The following MACROD1 variants were observed in gnomAD, a reference collection of about 807,000 sequenced individuals.
MACROD1 encodes the protein mono-ADP ribosylhydrolase 1.
A neutral mutation model predicts 41.4 loss-of-function variants in MACROD1; 31 were observed. The ratio of observed to expected loss-of-function variants is 0.75; its 90% CI spans 0.56 to 1.01. MACROD1 has a LOEUF of 1.01. Among genes scored for constraint, MACROD1 ranks in the 50% least tolerant of loss-of-function variants. The pLI, the probability that MACROD1 is intolerant of heterozygous loss-of-function variation, is 0.00. For synonymous variants in MACROD1, 252 were observed against 203.4 expected (o/e 1.24, Z -2.03); for missense variants, 473 against 460.0 (o/e 1.03, Z -0.26).
At chr11:64,141,006 G>A (rs112473533) in intron 3 of MACROD1, among the ~76,000 whole-genome samples, 34 of 152,298 alleles carry the variant, frequency 2.2e-4, no homozygotes, top group African/African-American at 7.9e-4. Flanking sequence ...ATGGTTGCAT[G>A]AGCCTGTGGT....
At chr11:64,010,396 G>A (rs557470845) in intron 4 of MACROD1, among the ~76,000 whole-genome samples, 3 of 148,786 alleles carry the variant, frequency 2.0e-5, no homozygotes, top group South Asian at 2.1e-4. Context: ...GGTGTTGACC[G>A]GGGTGTTGGC....
chr11:64,047,925 C>A (rs1489884447), intron 3 of MACROD1, among the ~76,000 whole-genome samples: 3 of 149,802 alleles, frequency 2.0e-5, no homozygotes. Flanking sequence ...AGGAAGGAAG[C>A]AGGAAAGCAG....
chr11:64,074,707 C>T (rs1283753334), intron 3 of MACROD1, among the ~76,000 whole-genome samples: 2 of 152,196 alleles, frequency 1.3e-5, no homozygotes, highest in African/African-American at 4.8e-5. Context: ...ACCAAACTGC[C>T]CTGTGGGTCC....
chr11:64,066,943 C>T (rs576174423), intron 3 of MACROD1, among the ~76,000 whole-genome samples: 107 of 152,314 alleles, frequency 7.0e-4, no homozygotes, highest in Middle Eastern at 3.4e-3. Context: ...GTGCTGCCCG[C>T]CCCAGTGCGC....
rs564624042 is a variant in MACROD1 at position 64,165,719 on chromosome 11, G to A, written c.276C>T (p.Ser92=). Residue 92 remains serine (S), a synonymous_variant, in exon 1 of 11, where the codon TCC becomes TCT. Coordinates refer to ENST00000255681, the MANE Select transcript of MACROD1 (RefSeq NM_014067.4). The part of the protein sequence containing the change: ...AMAAKVDLST[S]TDWKEAKSFL... ...TACATTTCGCCTCCTTCCAGTCGGT[G>A]GAGGTGCTCAGGTCCACCTTCGCCG... is the stretch of plus-strand genomic sequence containing the variant. 2 of 1,481,636 alleles carry A rather than the reference G, an allele frequency of 1.3e-6. No individual in the cohort carries two copies. The highest frequency in any genetic ancestry group is 9.0e-7 in the Non-Finnish European group (1 of 1,116,410). The allele number at this position is 1,481,636 out of a possible 1,614,324, so 91.8% of individuals were successfully genotyped here. A position where few individuals can be genotyped will look rare whatever the true frequency, so the allele number is the denominator to read the frequency against.
At chr11:64,130,586 C>T (rs1327604510) in intron 3 of MACROD1, among the ~76,000 whole-genome samples, 1 of 152,208 alleles carries the variant, frequency 6.6e-6, no homozygotes, top group Non-Finnish European at 1.5e-5. Flanking sequence ...GTCCCGGACG[C>T]ATGGGAGGGC....
rs940345471 is a variant in MACROD1, at chr11:64,068,539, T to C, written c.518-53258A>G. Among the ~76,000 whole-genome samples, 7 of 152,242 alleles carry C rather than the reference T, an allele frequency of 4.6e-5. No homozygotes were observed. In the East Asian group the frequency reaches 1.3e-3, roughly 29 times the overall value. On this transcript the variant is annotated intron_variant, in intron 3 of 10. Coordinates refer to ENST00000255681, the MANE Select transcript of MACROD1 (RefSeq NM_014067.4). ...GATGGTTGTCTCCCTTGCACATATT[T>C]ACTGCCGATTACTCTTACAGAGCCC...
intron 3 of MACROD1, among the ~76,000 whole-genome samples, chr11:64,119,380 T>C (rs1945057582): frequency 6.6e-6 from 1 of 152,198 alleles, no homozygotes. Context: ...CTCTCCTTTC[T>C]GATACAGATA....
At chr11:64,021,882 C>T (rs1246809165) in intron 3 of MACROD1, among the ~76,000 whole-genome samples, 2 of 145,802 alleles carry the variant, frequency 1.4e-5, no homozygotes, top group Non-Finnish European at 3.0e-5. Flanking sequence ...GCACAAGAAT[C>T]CCTGTGAGTG....
chr11:64,159,320 GA>G (rs34061690), intron 1 of MACROD1, among the ~76,000 whole-genome samples: 94,618 of 104,034 alleles, frequency 0.91, 42,981 homozygotes, highest in East Asian at 0.98. Context: ...CTCCGTCTCA[GA>G]AAAAAAAAAA....
At chr11:64,112,804 T>C (rs1205442614) in intron 3 of MACROD1, among the ~76,000 whole-genome samples, 7 of 152,130 alleles carry the variant, frequency 4.6e-5, no homozygotes, top group East Asian at 1.9e-4. Context: ...GGGTGCCACA[T>C]AGGATTGCAC....
chr11:64,121,362 T>C (rs1450683161), intron 3 of MACROD1, among the ~76,000 whole-genome samples: 1 of 152,220 alleles, frequency 6.6e-6, no homozygotes, highest in African/African-American at 2.4e-5. Flanking sequence ...ACTGGCGCTC[T>C]AAGTGTGGAG....
chr11:64,134,499 G>A (rs1945306066), intron 3 of MACROD1, among the ~76,000 whole-genome samples: 1 of 152,160 alleles, frequency 6.6e-6, no homozygotes, highest in African/African-American at 2.4e-5. Flanking sequence ...CAAAGGCAGT[G>A]GCGGCAGCAG....
chr11:64,138,667 A>G (rs1323969156), intron 3 of MACROD1: 6 of 495,540 alleles, frequency 1.2e-5, no homozygotes, highest in African/African-American at 1.0e-4. Context: ...CCGCAATTAC[A>G]ATGTCCGAAG....
At chr11:64,123,083 G>C (rs2134638847) in intron 3 of MACROD1, among the ~76,000 whole-genome samples, 1 of 152,344 alleles carries the variant, frequency 6.6e-6, no homozygotes, top group East Asian at 1.9e-4. Context: ...AGGGAGCAAA[G>C]GGGCGGGGAG....
chr11:64,038,671 C>T lies in MACROD1; in HGVS notation c.518-23390G>A, dbSNP rs1235108186. ...TCCCCAGAATCAGGGCTGGACATGG[C>T]CTGATCTCAGAGATGGGGCCTGTAT... On this transcript the variant is annotated intron_variant, in intron 3 of 10. Coordinates refer to ENST00000255681, the MANE Select transcript of MACROD1 (RefSeq NM_014067.4). 2.6e-5 allele frequency among the ~76,000 whole-genome samples: 4 copies of T among 152,278 alleles called. No individual in the cohort carries two copies. In the East Asian group the frequency reaches 5.8e-4, roughly 22 times the overall value.
At chr11:64,127,527 G>A (rs1461472446) in intron 3 of MACROD1, among the ~76,000 whole-genome samples, 2 of 152,224 alleles carry the variant, frequency 1.3e-5, no homozygotes, top group Non-Finnish European at 2.9e-5. Flanking sequence ...CCGGCAGGAT[G>A]GAGACTGTTC....
chr11:64,096,353 G>A lies in MACROD1; in HGVS notation c.517+54886C>T, dbSNP rs112068027. Among the ~76,000 whole-genome samples, 26 of 152,232 alleles carry A rather than the reference G, an allele frequency of 1.7e-4. 1 individual carries two copies. The highest frequency in any genetic ancestry group is 4.1e-4 in the African/African-American group (17 of 41,548). The stretch of plus-strand genomic sequence containing the variant: ...GCTGGACACGGTCCCTAATGGGCAC[G>A]GGCGACGCATTACAGTGAGGTCTGC... On this transcript the variant is annotated intron_variant, in intron 3 of 10. Coordinates refer to ENST00000255681, the MANE Select transcript of MACROD1 (RefSeq NM_014067.4). This position sits in a 1 kb window ranked among gnomAD's most constrained non-coding sequence, Gnocchi z 4.6.
At chr11:64,136,131 C>A (rs1031976079) in intron 3 of MACROD1, among the ~76,000 whole-genome samples, 2 of 152,192 alleles carry the variant, frequency 1.3e-5, no homozygotes, top group Non-Finnish European at 2.9e-5. Flanking sequence ...GGAGTGGATC[C>A]CATCAGAGAC....
Sources: allele counts gnomAD v4.1 joint callset (sites outside exome capture counted in the v4.1 genomes callset), GRCh38; gene constraint gnomAD v4.1.1; non-coding constraint Gnocchi (gnomAD v3.1); transcripts MANE v1.5; gene names NCBI Gene and HGNC (gene_info 2026-07-23, HGNC 2026-07-21).